Variants in MARK1 observed in about 807,000 individuals in gnomAD.
The protein encoded by MARK1 is microtubule affinity regulating kinase 1, also known as serine/threonine-protein kinase MARK1.
In MARK1, 40 loss-of-function variants were observed where a neutral mutation model predicts 96.3. That is an observed-to-expected ratio of 0.42 (90% CI 0.32 to 0.54). The LOEUF (loss-of-function observed/expected upper bound fraction) is 0.54, where lower values mean the gene tolerates loss of function less well. Among genes scored for constraint, MARK1 ranks in the 20% least tolerant of loss-of-function variants. The pLI is 0.16. For synonymous variants in MARK1, 317 were observed against 341.2 expected (o/e 0.93, Z 0.78); for missense variants, 719 against 984.6 (o/e 0.73, Z 3.61).
chr1:220,575,772 T>A (rs1448046856), intron 1 of MARK1, among the ~76,000 whole-genome samples: 1 of 151,696 alleles, frequency 6.6e-6, no homozygotes, highest in Non-Finnish European at 1.5e-5. Flanking sequence ...AAAAAATCAT[T>A]GAGAACAATT....
At chr1:220,570,531 C>T (rs1663372398) in intron 1 of MARK1, among the ~76,000 whole-genome samples, 1 of 152,056 alleles carries the variant, frequency 6.6e-6, no homozygotes, top group African/African-American at 2.4e-5. Flanking sequence ...TATGGTTTAT[C>T]TCACTTAGTA....
intron 13 of MARK1, among the ~76,000 whole-genome samples, chr1:220,636,433 A>G (rs993322772): frequency 6.6e-6 from 1 of 152,182 alleles, no homozygotes; most frequent in Admixed American, 6.5e-5. Context: ...AATGGGAACT[A>G]GAAGAAGATG....
Position 220,638,695 on chromosome 1 carries a change from A to G in MARK1, c.1470+2669A>G, listed in dbSNP as rs143292623. ...CTTATTTATCATTTTTTTAAAAAAA[A>G]CATAAGCGAAAAGATTTTGATAGAG... On this transcript the variant is annotated intron_variant, in intron 13 of 17. Coordinates refer to ENST00000366917, the MANE Select transcript of MARK1 (RefSeq NM_018650.5). Among the ~76,000 whole-genome samples, 136 of 152,254 alleles carry G rather than the reference A, an allele frequency of 8.9e-4. 1 individual carries two copies. The highest frequency in any genetic ancestry group is 3.0e-3 in the African/African-American group (126 of 41,574).
chr1:220,615,019 A>G (rs1346011214), intron 6 of MARK1, among the ~76,000 whole-genome samples: 1 of 152,146 alleles, frequency 6.6e-6, no homozygotes, highest in Admixed American at 6.5e-5. Flanking sequence ...TTTATATTTA[A>G]CTGAATCCAC....
rs182782353 is a variant in MARK1 at position 220,598,609 on chromosome 1, T to A, written c.358+230T>A. On this transcript the variant is annotated intron_variant, in intron 4 of 17. Coordinates refer to ENST00000366917, the MANE Select transcript of MARK1 (RefSeq NM_018650.5). Reference sequence around the variant, plus strand: ...GCTGTTTTCTGCTACCTTGCTATCTTCTGCTCTCCACTAAAATAATTGATA... The same window carrying A: ...GCTGTTTTCTGCTACCTTGCTATCTACTGCTCTCCACTAAAATAATTGATA... Among the ~76,000 whole-genome samples, 767 of 151,860 alleles carry A rather than the reference T, an allele frequency of 5.1e-3. 8 individuals carry two copies. Among genetic ancestry groups the A allele is most frequent in the African/African-American group, 0.018 (735 of 41,438 alleles).
chr1:220,561,555 A>G (rs1365036841), intron 1 of MARK1, among the ~76,000 whole-genome samples: 2 of 152,228 alleles, frequency 1.3e-5, no homozygotes, highest in African/African-American at 4.8e-5. Flanking sequence ...GTTACAAAGA[A>G]CAAGGTCAAA....
At chr1:220,548,708 A>G (rs1390867408) in intron 1 of MARK1, among the ~76,000 whole-genome samples, 1 of 152,164 alleles carries the variant, frequency 6.6e-6, no homozygotes, top group African/African-American at 2.4e-5. Flanking sequence ...GTGAGCCGAG[A>G]TTGTGCCACT....
At chr1:220,591,975 C>A (rs1236119398) in intron 3 of MARK1, among the ~76,000 whole-genome samples, 1 of 151,930 alleles carries the variant, frequency 6.6e-6, no homozygotes, top group Non-Finnish European at 1.5e-5. Flanking sequence ...AGCAGTCTAG[C>A]AGCTTTTATC....
chr1:220,639,332 C>G (rs796368438), intron 13 of MARK1, among the ~76,000 whole-genome samples: 14 of 152,124 alleles, frequency 9.2e-5, no homozygotes, highest in African/African-American at 3.4e-4. Context: ...TTTTATTTTA[C>G]TTTTTTATAA....
At chr1:220,595,039 A>AT (rs1367676036) in intron 3 of MARK1, among the ~76,000 whole-genome samples, 2 of 152,342 alleles carry the variant, frequency 1.3e-5, no homozygotes, top group African/African-American at 4.8e-5. Context: ...TCCATCGATT[A>AT]TAACAAATGT....
chr1:220,651,742 A>G (rs2103054736), intron 14 of MARK1, among the ~76,000 whole-genome samples: 1 of 152,324 alleles, frequency 6.6e-6, no homozygotes, highest in Non-Finnish European at 1.5e-5. Context: ...ACATTTACAT[A>G]CATAGTGTGT....
intron 13 of MARK1, among the ~76,000 whole-genome samples, chr1:220,645,948 A>G (rs1190066218): frequency 2.0e-5 from 3 of 152,180 alleles, no homozygotes; most frequent in Non-Finnish European, 4.4e-5. Context: ...CACAGCCAAT[A>G]TCATACTGAA....
In MARK1 at chr1:220,588,879, A is replaced by G. The variant is rs551017210; in HGVS notation, c.309+7761A>G. Among the ~76,000 whole-genome samples, 8 of 152,326 alleles carry G rather than the reference A, an allele frequency of 5.3e-5. No homozygotes were observed. The South Asian group carries it at 1.7e-3, about 32-fold the overall frequency. On this transcript the variant is annotated intron_variant, in intron 3 of 17. Transcript: ENST00000366917. ...CCAGTAAACTGTCAAATATACAGAC[A>G]GAAGTTTTATAAAGATTGCAGTGAA... is the stretch of plus-strand genomic sequence containing the variant.
At chr1:220,625,891 G>GA in intron 9 of MARK1, 2 of 497,522 alleles carry the variant, frequency 4.0e-6, no homozygotes. Context: ...CTGAACAATA[G>GA]AAATCTGTCA....
intron 1 of MARK1, among the ~76,000 whole-genome samples, chr1:220,561,805 C>T (rs1662685593): frequency 6.6e-6 from 1 of 152,080 alleles, no homozygotes; most frequent in Non-Finnish European, 1.5e-5. Context: ...GGCCAGGGAG[C>T]TGTTGTGTTC....
chr1:220,552,143 T>G (rs1661906444), intron 1 of MARK1, among the ~76,000 whole-genome samples: 1 of 152,212 alleles, frequency 6.6e-6, no homozygotes, highest in Admixed American at 6.5e-5. Flanking sequence ...TTTTTTTGCC[T>G]ATTGATTCAC....
intron 1 of MARK1, among the ~76,000 whole-genome samples, chr1:220,568,086 T>C (rs1419799931): frequency 1.3e-5 from 2 of 152,202 alleles, no homozygotes; most frequent in Non-Finnish European, 2.9e-5. Flanking sequence ...GATATGTTTG[T>C]TAAAATATTG....
chr1:220,587,341 C>T (rs1254556986), intron 3 of MARK1, among the ~76,000 whole-genome samples: 1 of 147,754 alleles, frequency 6.8e-6, no homozygotes, highest in African/African-American at 2.5e-5. Flanking sequence ...CTCTCTCTCT[C>T]TCTCTCTCTC....
At chr1:220,534,753 T>C (rs1660567313) in intron 1 of MARK1, among the ~76,000 whole-genome samples, 1 of 152,116 alleles carries the variant, frequency 6.6e-6, no homozygotes, top group African/African-American at 2.4e-5. Flanking sequence ...TTTAGATACC[T>C]CACAAAAATG....
Sources: gnomAD v4.1 joint callset for allele counts (sites outside exome capture counted in the v4.1 genomes callset) on GRCh38, gnomAD v4.1.1 for gene constraint, MANE v1.5 for transcripts, NCBI Gene and HGNC (gene_info 2026-07-23, HGNC 2026-07-21) for gene names.